STAG1: variants seen among roughly 807,000 people sequenced by gnomAD.
STAG1 encodes the protein cohesin subunit SA-1.
A neutral mutation model predicts 170.9 loss-of-function variants in STAG1; 26 were observed. The ratio of observed to expected loss-of-function variants is 0.15; its 90% CI spans 0.11 to 0.21. The LOEUF (loss-of-function observed/expected upper bound fraction) is 0.21. Ranked by LOEUF, STAG1 falls within the 10% of genes least tolerant of loss-of-function variation. STAG1 has a pLI of 1.00. For synonymous variants in STAG1, 514 were observed against 497.7 expected (o/e 1.03, Z -0.44); for missense variants, 964 against 1,509.5 (o/e 0.64, Z 5.99).
rs1237654419 is a variant in STAG1 at position 136,516,470 on chromosome 3, TGCACTGCA to T, written c.676+4735_676+4742del. Among the ~76,000 whole-genome samples, 3 of 151,934 alleles carry T rather than the reference TGCACTGCA, an allele frequency of 2.0e-5. No homozygotes were observed. The East Asian group carries it at 5.8e-4, about 29-fold the overall frequency. On this transcript the variant is annotated intron_variant, in intron 7 of 33. Coordinates refer to ENST00000383202, the MANE Select transcript of STAG1 (RefSeq NM_005862.3). ...TTGCAAGGAAACAAAACCATGCCACTGCACTGCAGCCTGGGCAACAGAGTGAGAATCAG... is the reference window on the plus strand; with the variant it reads ...TTGCAAGGAAACAAAACCATGCCACTGCCTGGGCAACAGAGTGAGAATCAG...
rs760493827 is a variant in STAG1 at position 136,611,658 on chromosome 3, C to CTT, written c.133-7187_133-7186dup. On this transcript the variant is annotated intron_variant, in intron 3 of 33. Transcript: ENST00000383202. Reference sequence around the variant, plus strand: ...TATAAGCACTAGCCACCACACCCAGCTTTTTTTTTTTTTTTTTTTTTTTTT... The same window carrying CTT: ...TATAAGCACTAGCCACCACACCCAGCTTTTTTTTTTTTTTTTTTTTTTTTTTT... Among the ~76,000 whole-genome samples the CTT allele has an allele frequency of 1.4e-3, 99 of 72,604 alleles. 7 individuals carry two copies. Among genetic ancestry groups the CTT allele is most frequent in the African/African-American group, 4.1e-3 (70 of 17,050 alleles). 47.6% of individuals were successfully genotyped at this position (72,604 alleles called of 152,430 possible).
At chr3:136,512,570 T>C (rs1934123885) in intron 7 of STAG1, among the ~76,000 whole-genome samples, 1 of 152,080 alleles carries the variant, frequency 6.6e-6, no homozygotes, top group South Asian at 2.1e-4. Flanking sequence ...CAGACATATG[T>C]GTGTGATTAT....
chr3:136,632,983 C>T (rs1940391520), intron 1 of STAG1, among the ~76,000 whole-genome samples: 1 of 151,668 alleles, frequency 6.6e-6, no homozygotes, highest in Non-Finnish European at 1.5e-5. Context: ...CCACACAGGA[C>T]AATAAAGACA....
At chr3:136,558,804 A>G (rs1444684291) in intron 5 of STAG1, among the ~76,000 whole-genome samples, 3 of 152,234 alleles carry the variant, frequency 2.0e-5, no homozygotes, top group South Asian at 2.1e-4. Context: ...TACCAAATTA[A>G]TATGTGCAAA....
chr3:136,517,476 T>C (rs975446765), intron 7 of STAG1, among the ~76,000 whole-genome samples: 3 of 152,144 alleles, frequency 2.0e-5, no homozygotes, highest in Non-Finnish European at 4.4e-5. Flanking sequence ...GTCAACAAGT[T>C]GTAAAGTATT....
At chr3:136,459,461 G>T (rs1180340344) in intron 13 of STAG1, among the ~76,000 whole-genome samples, 1 of 151,964 alleles carries the variant, frequency 6.6e-6, no homozygotes, top group African/African-American at 2.4e-5. Context: ...TTATCCAGAC[G>T]GAAAAAGAAT....
chr3:136,649,134 C>CTA (rs1559929822), intron 1 of STAG1, among the ~76,000 whole-genome samples: 1 of 152,174 alleles, frequency 6.6e-6, no homozygotes, highest in Non-Finnish European at 1.5e-5. Context: ...TTTGCTTATA[C>CTA]TATTTCCTCC....
At chr3:136,429,137 T>C (rs757602778) in intron 16 of STAG1, among the ~76,000 whole-genome samples, 1 of 145,008 alleles carries the variant, frequency 6.9e-6, no homozygotes, top group Non-Finnish European at 1.5e-5. Flanking sequence ...CTGGGAGAGG[T>C]GGCTCACACC....
intron 21 of STAG1, among the ~76,000 whole-genome samples, chr3:136,406,917 A>T (rs1371532057): frequency 1.3e-5 from 2 of 152,262 alleles, no homozygotes; most frequent in African/African-American, 4.8e-5. Flanking sequence ...CAAGACTCTG[A>T]AATTTTATTG....
chr3:136,413,452 ATATTAT>A (rs529279899), intron 21 of STAG1, among the ~76,000 whole-genome samples: 10 of 151,400 alleles, frequency 6.6e-5, no homozygotes, highest in Admixed American at 4.6e-4. Context: ...GATCTGCCAC[ATATTAT>A]TATTATTATT....
intron 1 of STAG1, among the ~76,000 whole-genome samples, chr3:136,712,207 A>G (rs1404205042): frequency 6.6e-6 from 1 of 152,146 alleles, no homozygotes; most frequent in Non-Finnish European, 1.5e-5. Context: ...TAGTAGAGAC[A>G]GAATTTCATC....
intron 7 of STAG1, among the ~76,000 whole-genome samples, chr3:136,512,543 C>T (rs898302670): frequency 6.6e-6 from 1 of 151,994 alleles, no homozygotes; most frequent in Middle Eastern, 3.4e-3. Context: ...GAAAATAAAC[C>T]AAAAATCCAG....
chr3:136,551,428 ATTTTT>A (rs57299539), intron 5 of STAG1, among the ~76,000 whole-genome samples: 1 of 117,508 alleles, frequency 8.5e-6, no homozygotes. Flanking sequence ...CATCTGGCTA[ATTTTT>A]TTTTTTTTTT....
chr3:136,597,155 A>G (rs1450540978), intron 4 of STAG1, among the ~76,000 whole-genome samples: 1 of 152,132 alleles, frequency 6.6e-6, no homozygotes, highest in East Asian at 1.9e-4. Context: ...TGGGATTTTT[A>G]TTTTTTTGTT....
chr3:136,379,849 A>G (rs1408917894), intron 22 of STAG1, among the ~76,000 whole-genome samples: 1 of 152,254 alleles, frequency 6.6e-6, no homozygotes, highest in African/African-American at 2.4e-5. Context: ...ACCATTTAAA[A>G]TATCACGTTA....
intron 5 of STAG1, among the ~76,000 whole-genome samples, chr3:136,565,186 T>C (rs866763285): frequency 6.7e-6 from 1 of 149,200 alleles, no homozygotes; most frequent in South Asian, 2.1e-4. Flanking sequence ...GGAAGAGAAA[T>C]CAGACTTAAT....
chr3:136,650,030 G>A (rs897785267), intron 1 of STAG1, among the ~76,000 whole-genome samples: 1 of 152,018 alleles, frequency 6.6e-6, no homozygotes, highest in Non-Finnish European at 1.5e-5. Flanking sequence ...GCCTCCCAAA[G>A]TGCTGGGATT....
chr3:136,682,456 T>C lies in STAG1; in HGVS notation c.-83-51475A>G, dbSNP rs1942369558. ...TTAAAAAAAAAATAAAATATATATA[T>C]ATATATACACATATGGACAGAGAGG... On this transcript the variant is annotated intron_variant, in intron 1 of 33. Coordinates refer to ENST00000383202, the MANE Select transcript of STAG1 (RefSeq NM_005862.3). Among the ~76,000 whole-genome samples the C allele has an allele frequency of 3.3e-5, 5 of 149,472 alleles. No homozygotes were observed. The South Asian group carries it at 1.0e-3, about 31-fold the overall frequency.
At chr3:136,624,381 T>C (rs1940001248) in intron 2 of STAG1, among the ~76,000 whole-genome samples, 1 of 152,180 alleles carries the variant, frequency 6.6e-6, no homozygotes, top group Non-Finnish European at 1.5e-5. Flanking sequence ...ATTACAGGTG[T>C]GAGCCACCGT....
Sources: gnomAD v4.1 joint callset for allele counts (sites outside exome capture counted in the v4.1 genomes callset) on GRCh38, gnomAD v4.1.1 for gene constraint, MANE v1.5 for transcripts, NCBI Gene and HGNC (gene_info 2026-07-23, HGNC 2026-07-21) for gene names.